The following OCIAD1 variants were observed in gnomAD, a reference collection of about 807,000 sequenced individuals.
OCIAD1 encodes OCIA domain-containing protein 1.
In OCIAD1, 29 loss-of-function variants were observed where a neutral mutation model predicts 38.9. That is an observed-to-expected ratio of 0.74 (90% confidence interval 0.55 to 1.02). The LOEUF (loss-of-function observed/expected upper bound fraction) is 1.02. Ranked by LOEUF, OCIAD1 falls within the 50% of genes least tolerant of loss-of-function variation. OCIAD1 has a pLI of 0.00. For missense variants in OCIAD1, 288 were observed against 289.6 expected (o/e 0.99, Z 0.04); for synonymous variants, 110 against 92.0 (o/e 1.20, Z -1.12).
intron 1 of OCIAD1, among the ~76,000 whole-genome samples, chr4:48,810,153 T>C (rs1003979493): frequency 1.3e-5 from 2 of 152,006 alleles, no homozygotes; most frequent in African/African-American, 4.8e-5. Flanking sequence ...AATCTAGATT[T>C]TTAGGAGCAG....
At chr4:48,845,187 T>C (rs1181287925) in intron 4 of OCIAD1, among the ~76,000 whole-genome samples, 4 of 152,210 alleles carry the variant, frequency 2.6e-5, no homozygotes, top group African/African-American at 4.8e-5. Context: ...TTTTTCCAGC[T>C]ACTCCCAACT....
At chr4:48,853,517 A>G (rs890839057) in intron 7 of OCIAD1, among the ~76,000 whole-genome samples, 1 of 152,138 alleles carries the variant, frequency 6.6e-6, no homozygotes, top group African/African-American at 2.4e-5. Context: ...ATTTTAAAAG[A>G]TTAGAGGGAA....
chr4:48,855,512 G>T (rs981845918), intron 7 of OCIAD1, among the ~76,000 whole-genome samples: 40 of 152,132 alleles, frequency 2.6e-4, no homozygotes, highest in African/African-American at 9.4e-4. Context: ...TTATTTAGCA[G>T]AATAAATGTT....
chr4:48,844,756 G>A (rs190633696), intron 4 of OCIAD1, among the ~76,000 whole-genome samples: 36 of 152,108 alleles, frequency 2.4e-4, no homozygotes, highest in Non-Finnish European at 4.1e-4. Flanking sequence ...ACCCTCCAGA[G>A]GATACCAAAA....
intron 7 of OCIAD1, 190 bp from the exon 8 acceptor site, chr4:48,857,023 T>G (rs534770561): frequency 3.0e-6 from 1 of 328,366 alleles, no homozygotes; most frequent in South Asian, 1.4e-4. Flanking sequence ...CTTAAAAATA[T>G]GGGTGGAAGT....
At chr4:48,826,745 C>G (rs942112803), upstream of OCIAD1, among the ~76,000 whole-genome samples, 1 of 151,984 alleles carries the variant, frequency 6.6e-6, no homozygotes, top group Admixed American at 6.6e-5. Context: ...CAAAAAATAA[C>G]CTTCATCCAT....
At chr4:48,835,741 C>T (rs1398354177) in intron 3 of OCIAD1, among the ~76,000 whole-genome samples, 1 of 152,174 alleles carries the variant, frequency 6.6e-6, no homozygotes, top group African/African-American at 2.4e-5. Context: ...GGCCCCAGCA[C>T]ATTGGGTGGT....
At chr4:48,850,379 C>T (rs1327704232) in intron 6 of OCIAD1, among the ~76,000 whole-genome samples, 2 of 152,116 alleles carry the variant, frequency 1.3e-5, no homozygotes, top group African/African-American at 4.8e-5. Flanking sequence ...CTGCCTCAAG[C>T]TCTCTGAGTA....
chr4:48,846,838 C>T (rs1779021683), intron 4 of OCIAD1, among the ~76,000 whole-genome samples: 1 of 152,036 alleles, frequency 6.6e-6, no homozygotes, highest in Non-Finnish European at 1.5e-5. Flanking sequence ...GGTTTACCAG[C>T]ACATCATTGC....
chr4:48,843,554 G>A (rs1413963658), intron 4 of OCIAD1, among the ~76,000 whole-genome samples: 2 of 152,102 alleles, frequency 1.3e-5, no homozygotes, highest in Non-Finnish European at 2.9e-5. Flanking sequence ...GAGGATTTTT[G>A]GGGTAAAAAT....
At chr4:48,832,811 A>C (rs997481841) in intron 2 of OCIAD1, 129 bp downstream of exon 2, 1 of 712,630 alleles carries the variant, frequency 1.4e-6, no homozygotes, top group Non-Finnish European at 2.5e-6. Flanking sequence ...ACTTGGTTTC[A>C]TGTTCTAGTC....
intron 1 of OCIAD1, among the ~76,000 whole-genome samples, chr4:48,810,124 T>C (rs1777070178): frequency 6.6e-6 from 1 of 152,060 alleles, no homozygotes; most frequent in Non-Finnish European, 1.5e-5. Flanking sequence ...TTAGATATTA[T>C]TATTATCTCT....
chr4:48,824,181 G>A (rs764941522), intron 1 of OCIAD1, among the ~76,000 whole-genome samples: 5 of 151,728 alleles, frequency 3.3e-5, no homozygotes, highest in South Asian at 2.1e-4. Flanking sequence ...GGTTTTTGCC[G>A]TGTTGCCCAC....
chr4:48,831,942 A>G (rs1283333453), intron 1 of OCIAD1, among the ~76,000 whole-genome samples: 2 of 152,232 alleles, frequency 1.3e-5, no homozygotes, highest in African/African-American at 4.8e-5. Flanking sequence ...AAATACGGTT[A>G]CTTGATCTGT....
chr4:48,815,509 G>A (rs1777135489), intron 1 of OCIAD1, among the ~76,000 whole-genome samples: 1 of 152,128 alleles, frequency 6.6e-6, no homozygotes, highest in Non-Finnish European at 1.5e-5. Context: ...ACATTTCTTG[G>A]TAAGCCTGCT....
At chr4:48,822,259 T>C (rs1159528301) in intron 1 of OCIAD1, among the ~76,000 whole-genome samples, 2 of 152,142 alleles carry the variant, frequency 1.3e-5, no homozygotes, top group African/African-American at 4.8e-5. Context: ...AACCATCTGA[T>C]CTTCAACAAA....
upstream of OCIAD1, among the ~76,000 whole-genome samples, chr4:48,827,686 G>C (rs936312744): frequency 6.6e-6 from 1 of 152,226 alleles, no homozygotes; most frequent in Non-Finnish European, 1.5e-5. Context: ...TTTATCAACA[G>C]AAACTCAATT....
intron 1 of OCIAD1, among the ~76,000 whole-genome samples, chr4:48,825,688 A>AGTGG (rs1777243482): frequency 6.6e-6 from 1 of 152,100 alleles, no homozygotes; most frequent in Admixed American, 6.5e-5. Context: ...TACCTATAAC[A>AGTGG]CATCCATGGG....
At position 48,837,491 on chromosome 4, in the gene OCIAD1, C is replaced by T. The variant is rs183292139; in HGVS notation, c.139+4010C>T. Among the ~76,000 whole-genome samples the T allele has an allele frequency of 4.5e-3, 687 of 151,966 alleles. 7 individuals are homozygous for T. Among genetic ancestry groups the T allele is most frequent in the Admixed American group, 6.3e-3 (96 of 15,244 alleles). On this transcript the variant is annotated intron_variant, in intron 3 of 8. Transcript: ENST00000264312. ...TATTTTTGGTAGAGAAGGAGTTTCA[C>T]CATGTTGGCCAGGCTGGTCTCGAGC... is the stretch of plus-strand genomic sequence containing the variant.
Sources: allele counts gnomAD v4.1 joint callset (sites outside exome capture counted in the v4.1 genomes callset), GRCh38; gene constraint gnomAD v4.1.1; transcripts MANE v1.5; gene names NCBI Gene and HGNC (gene_info 2026-07-23, HGNC 2026-07-21).